MEGF11: variants seen among roughly 807,000 people sequenced by gnomAD.
MEGF11 encodes multiple epidermal growth factor-like domains protein 11.
In MEGF11, 126 loss-of-function variants were observed where a neutral mutation model predicts 146.6. That is an observed-to-expected ratio of 0.86 (90% CI 0.74 to 1.00). MEGF11 has a LOEUF of 1.00. Ranked by LOEUF, MEGF11 falls within the 50% of genes least tolerant of loss-of-function variation. The pLI is 0.00. For synonymous variants in MEGF11, 532 were observed against 583.4 expected (o/e 0.91, Z 1.27); for missense variants, 1,509 against 1,521.2 (o/e 0.99, Z 0.13).
intron 24 of MEGF11, among the ~76,000 whole-genome samples, chr15:65,900,740 A>T (rs2078475788): frequency 6.6e-6 from 1 of 152,248 alleles, no homozygotes. Flanking sequence ...AACCAGGCTC[A>T]GCATTTTCCA....
At chr15:66,163,034 T>C (rs1385149603) in intron 1 of MEGF11, among the ~76,000 whole-genome samples, 2 of 152,032 alleles carry the variant, frequency 1.3e-5, no homozygotes, top group East Asian at 3.9e-4. Context: ...ACCCTGAAGT[T>C]TGAAAGCCAC....
At chr15:66,039,011 C>G (rs1452068841) in intron 5 of MEGF11, among the ~76,000 whole-genome samples, 1 of 152,192 alleles carries the variant, frequency 6.6e-6, no homozygotes, top group African/African-American at 2.4e-5. Flanking sequence ...GCCAGCAGCA[C>G]CAGCAGGACT....
intron 5 of MEGF11, among the ~76,000 whole-genome samples, chr15:66,092,362 C>T (rs2086355180): frequency 1.3e-5 from 2 of 152,292 alleles, no homozygotes; most frequent in East Asian, 3.9e-4. Flanking sequence ...TTAGAACTTC[C>T]CATGGGTTCA....
intron 1 of MEGF11, among the ~76,000 whole-genome samples, chr15:66,151,342 G>A (rs186057607): frequency 3.0e-4 from 45 of 152,224 alleles, no homozygotes; most frequent in Middle Eastern, 6.8e-3. Context: ...CCTGAGCCAC[G>A]TGGGGCTGAG....
At chr15:66,150,944 T>C (rs562839185) in intron 1 of MEGF11, among the ~76,000 whole-genome samples, 1 of 149,968 alleles carries the variant, frequency 6.7e-6, no homozygotes, top group African/African-American at 2.5e-5. Context: ...AATCATCCCA[T>C]CCCCTTGCCA....
chr15:65,941,952 G>A lies in MEGF11; in HGVS notation c.1288-11009C>T, dbSNP rs1010421549. Among the ~76,000 whole-genome samples, 16 of 152,186 alleles carry A rather than the reference G, an allele frequency of 1.1e-4. 1 individual carries two copies. The South Asian group carries it at 1.9e-3, about 18-fold the overall frequency. ...AGAAAGGAAACTCCATATTTTTCAC[G>A]CCCCTGCCCCTTGGTGACAGGCTTG... On this transcript the variant is annotated intron_variant, in intron 10 of 25. Transcript: ENST00000395614.
chr15:66,021,217 AAGTC>A (rs1459650030), intron 5 of MEGF11, among the ~76,000 whole-genome samples: 2 of 152,038 alleles, frequency 1.3e-5, no homozygotes, highest in Non-Finnish European at 2.9e-5. Flanking sequence ...ATATTGTCAT[AAGTC>A]AGTCAATCAA....
intron 1 of MEGF11, among the ~76,000 whole-genome samples, chr15:66,236,002 A>T (rs1025801994): frequency 6.6e-6 from 1 of 152,222 alleles, no homozygotes; most frequent in African/African-American, 2.4e-5. Context: ...TAATAAGCAC[A>T]GAGAGTCAGA....
At chr15:65,981,093 G>T (rs1276042345) in intron 6 of MEGF11, among the ~76,000 whole-genome samples, 195 bp from the exon 7 acceptor site, 2 of 152,220 alleles carry the variant, frequency 1.3e-5, no homozygotes, top group Non-Finnish European at 2.9e-5. Flanking sequence ...AATGTAGGGT[G>T]CTTGGGCCAA....
intron 9 of MEGF11, among the ~76,000 whole-genome samples, chr15:65,962,761 C>T (rs1024467833): frequency 2.0e-5 from 3 of 152,160 alleles, no homozygotes; most frequent in African/African-American, 7.2e-5. Context: ...CAGGGATGGA[C>T]AAGCCAGGCT....
At chr15:65,953,469 C>T (rs908048305) in intron 10 of MEGF11, among the ~76,000 whole-genome samples, 2 of 152,212 alleles carry the variant, frequency 1.3e-5, no homozygotes, top group Admixed American at 6.5e-5. Context: ...CCTGTTTGAA[C>T]TCCAGCTCCT....
intron 1 of MEGF11, among the ~76,000 whole-genome samples, chr15:66,232,968 C>T (rs573317659): frequency 4.6e-4 from 70 of 152,258 alleles, no homozygotes; most frequent in African/African-American, 1.6e-3. Context: ...GCCCAGGTTA[C>T]GAACGAGGAT....
chr15:65,947,235 C>T (rs906031206), intron 10 of MEGF11, among the ~76,000 whole-genome samples: 18 of 152,006 alleles, frequency 1.2e-4, no homozygotes, highest in Admixed American at 9.2e-4. Context: ...ATTATCGGCA[C>T]TAATGACTAA....
At chr15:65,989,152 C>A (rs1401133958) in intron 5 of MEGF11, among the ~76,000 whole-genome samples, 2 of 152,302 alleles carry the variant, frequency 1.3e-5, no homozygotes, top group Non-Finnish European at 1.5e-5. Context: ...GATCTCTGTT[C>A]TCACTGGTCC....
At chr15:65,923,627 G>C (rs1774911989) in intron 13 of MEGF11, among the ~76,000 whole-genome samples, 1 of 152,208 alleles carries the variant, frequency 6.6e-6, no homozygotes. Flanking sequence ...GTTGGACTCT[G>C]ATGTTTTCTC....
intron 8 of MEGF11, among the ~76,000 whole-genome samples, chr15:65,965,600 C>CTTTTT (rs767520450): frequency 1.6e-4 from 3 of 18,880 alleles, no homozygotes; most frequent in African/African-American, 6.6e-4. Context: ...TTCTTTCTTT[C>CTTTTT]TTTTTTTTTT....
At chr15:66,089,410 G>A (rs577955450) in intron 5 of MEGF11, among the ~76,000 whole-genome samples, 21 of 152,276 alleles carry the variant, frequency 1.4e-4, no homozygotes, top group African/African-American at 4.8e-4. Context: ...ACATGATAAC[G>A]TGGAAAATAA....
In MEGF11 at chr15:66,240,131, G is replaced by A. The variant is rs548693200; in HGVS notation, c.-9+13474C>T. Among the ~76,000 whole-genome samples, 11 of 152,246 alleles carry A rather than the reference G, an allele frequency of 7.2e-5. No homozygotes were observed. The East Asian group carries it at 1.9e-3, about 27-fold the overall frequency. On this transcript the variant is annotated intron_variant, in intron 1 of 25. Coordinates refer to ENST00000395614, the MANE Select transcript of MEGF11 (RefSeq NM_001385028.1). ...AATAAAGCACCAGCACAAAGACTTC[G>A]CTCAAGCTCTGTTTTCTGGGGAACC...
At chr15:66,093,166 C>T (rs995333632) in intron 5 of MEGF11, among the ~76,000 whole-genome samples, 4 of 152,130 alleles carry the variant, frequency 2.6e-5, no homozygotes, top group African/African-American at 7.2e-5. Context: ...TTCTTGGATA[C>T]CTCAAACAGA....
Sources: allele counts gnomAD v4.1 joint callset (sites outside exome capture counted in the v4.1 genomes callset), GRCh38; gene constraint gnomAD v4.1.1; transcripts MANE v1.5; gene names NCBI Gene and HGNC (gene_info 2026-07-23, HGNC 2026-07-21).